The following PNKD variants were observed in gnomAD, a reference collection of about 807,000 sequenced individuals.
PNKD encodes probable thioesterase PNKD.
Under a neutral mutation model 45.3 loss-of-function variants are expected in PNKD, and 36 were observed. The ratio of observed to expected loss-of-function variants is 0.80; its 90% CI spans 0.61 to 1.05. PNKD has a LOEUF of 1.05. Ranked by LOEUF, PNKD falls within the 50% of genes least tolerant of loss-of-function variation. The pLI, the probability that PNKD is intolerant of heterozygous loss-of-function variation, is 0.00. For missense variants in PNKD, 511 were observed against 506.6 expected, an observed-to-expected ratio of 1.01 and a Z score of -0.08; for synonymous variants, 197 against 210.1, an observed-to-expected ratio of 0.94 and a Z score of 0.54.
Position 218,341,541 on chromosome 2 carries a change from A to C in PNKD, c.532A>C (p.Ser178Arg), listed in dbSNP as rs777086893. 28 of 1,598,240 alleles carry C rather than the reference A, an allele frequency of 1.8e-5. No individual in the cohort carries two copies. The highest frequency in any genetic ancestry group is 2.3e-5 in the Non-Finnish European group (27 of 1,172,592). The change falls in exon 6 of 10, where the codon AGT becomes CGT. Residue 178 changes from serine to arginine, a missense_variant. By Grantham distance (110) the Ser-to-Arg change is moderately radical. Transcript: ENST00000273077. The part of the protein sequence containing the change: ...ILCTHKHWDH[S>R]GGNRDLSRRH... ...GTCTCTGCTGTCCTGCAGGGACCACAGTGGAGGGAACCGTGACCTCAGCCG... is the reference window on the plus strand; with the variant it reads ...GTCTCTGCTGTCCTGCAGGGACCACCGTGGAGGGAACCGTGACCTCAGCCG...
At chr2:218,280,885 C>T (rs1327396339) in intron 2 of PNKD, 1 of 144,108 alleles carries the variant, frequency 6.9e-6, no homozygotes, top group African/African-American at 2.6e-5. Flanking sequence ...GATCTCGGCT[C>T]ACCGCAACCT....
intron 2 of PNKD, chr2:218,275,347 AGAAAG>A: frequency 6.1e-6 from 8 of 1,314,486 alleles, no homozygotes; most frequent in Non-Finnish European, 7.2e-6. Flanking sequence ...TCTCCAGGAC[AGAAAG>A]GAAACTGGGC....
chr2:218,318,049 C>G (rs1211595545), intron 2 of PNKD: 3 of 152,470 alleles, frequency 2.0e-5, no homozygotes, highest in South Asian at 2.1e-4. Flanking sequence ...TTCCTGAATG[C>G]CAACCAAGCA....
intron 6 of PNKD, 164 bp downstream of exon 6, chr2:218,341,790 T>C (rs891955201): frequency 1.3e-6 from 1 of 763,618 alleles, no homozygotes; most frequent in African/African-American, 1.7e-5. Context: ...ATCCCCCAAC[T>C]GATCCAGCCA....
chr2:218,277,137 T>G, intron 2 of PNKD: 1 of 1,575,892 alleles, frequency 6.3e-7, no homozygotes, highest in Non-Finnish European at 8.7e-7. Flanking sequence ...GTCAGATGGC[T>G]GTGACAACCA....
chr2:218,277,406 A>G, intron 2 of PNKD: 1 of 1,614,170 alleles, frequency 6.2e-7, no homozygotes, highest in Non-Finnish European at 8.5e-7. Context: ...AATGGATACC[A>G]CCGCAGTGAT....
chr2:218,343,712 T>G (rs1384619672), intron 8 of PNKD, 126 bp downstream of exon 8: 16 of 728,284 alleles, frequency 2.2e-5, no homozygotes, highest in Middle Eastern at 3.4e-4. Context: ...GCGACACAGC[T>G]CCACCTCTAG....
At chr2:218,299,156 G>A (rs928669136) in intron 2 of PNKD, among the ~76,000 whole-genome samples, 3 of 151,874 alleles carry the variant, frequency 2.0e-5, no homozygotes, top group African/African-American at 7.2e-5. Context: ...TTGAGACTGA[G>A]TTTCGCTTTT....
At chr2:218,317,763 G>A (rs1253423875) in intron 2 of PNKD, among the ~76,000 whole-genome samples, 1 of 152,144 alleles carries the variant, frequency 6.6e-6, no homozygotes. Context: ...GGCTCGGACA[G>A]GAGTTCATGA....
In PNKD at chr2:218,340,191, G is replaced by A. The variant is rs1054541564; in HGVS notation, c.465+50G>A. The A allele has an allele frequency of 8.5e-7, 1 of 1,178,524 alleles. No homozygotes were observed. Among genetic ancestry groups the A allele is most frequent in the Non-Finnish European group, 1.3e-6 (1 of 787,894 alleles). The allele number at this position is 1,178,524 out of a possible 1,614,324, so 73.0% of individuals were successfully genotyped here. A position where few individuals can be genotyped will look rare whatever the true frequency, so the allele number is the denominator to read the frequency against. Reference sequence around the variant, plus strand: ...GGTGCCTGGAGTCACCTTGGGGACTGGCAGTTTCGCCTTGCTAGAGAGGGC... The same window carrying A: ...GGTGCCTGGAGTCACCTTGGGGACTAGCAGTTTCGCCTTGCTAGAGAGGGC... On this transcript the variant is annotated intron_variant, in intron 4 of 9. Coordinates refer to ENST00000273077, the MANE Select transcript of PNKD (RefSeq NM_015488.5). This position sits in a 1 kb window ranked among gnomAD's most constrained non-coding sequence, Gnocchi z 4.2.
At chr2:218,344,742 A>T (rs1694781012) in intron 9 of PNKD, 66 bp from the exon 10 acceptor site, 1 of 1,540,562 alleles carries the variant, frequency 6.5e-7, no homozygotes, top group African/African-American at 1.4e-5. Flanking sequence ...GGGTCGGGTC[A>T]GGCTTCTCTG....
intron 2 of PNKD, among the ~76,000 whole-genome samples, chr2:218,337,623 G>T (rs2106290418): frequency 6.6e-6 from 1 of 152,294 alleles, no homozygotes; most frequent in East Asian, 1.9e-4. Context: ...TGAAAGCTTG[G>T]CCTCTTGGGT....
At chr2:218,291,041 G>A (rs1037346873) in intron 2 of PNKD, among the ~76,000 whole-genome samples, 3 of 152,172 alleles carry the variant, frequency 2.0e-5, no homozygotes, top group Admixed American at 6.5e-5. Flanking sequence ...TGAGGCCTGC[G>A]GTTGGAGGTG....
intron 2 of PNKD, among the ~76,000 whole-genome samples, chr2:218,315,010 C>CT (rs55633641): frequency 1.0e-4 from 2 of 19,906 alleles, no homozygotes; most frequent in African/African-American, 3.2e-4. Context: ...TTCTTTCTTT[C>CT]TTTTTCTTTC....
intron 2 of PNKD, among the ~76,000 whole-genome samples, chr2:218,325,061 G>T (rs1694109081): frequency 8.3e-6 from 1 of 120,472 alleles, no homozygotes; most frequent in Admixed American, 1.0e-4. Context: ...AGGCTGGAAT[G>T]CAATGGCATG....
At chr2:218,310,739 G>A (rs995505796) in intron 2 of PNKD, among the ~76,000 whole-genome samples, 3 of 151,252 alleles carry the variant, frequency 2.0e-5, no homozygotes, top group Admixed American at 6.6e-5. Context: ...TTACAGGTGC[G>A]TGCCACCACA....
intron 2 of PNKD, chr2:218,274,112 A>G (rs1287661857): frequency 6.5e-6 from 1 of 154,992 alleles, no homozygotes; most frequent in Non-Finnish European, 1.5e-5. Flanking sequence ...TACCTTGGAA[A>G]AGGTGGGACA....
chr2:218,341,069 T>C (rs145337468), intron 5 of PNKD, among the ~76,000 whole-genome samples: 1 of 152,314 alleles, frequency 6.6e-6, no homozygotes, highest in Non-Finnish European at 1.5e-5. Flanking sequence ...TGGACAAAAG[T>C]TATGACTCTT....
intron 2 of PNKD, chr2:218,281,142 T>TTTTTTTTTGGG (rs1559504868): frequency 6.6e-5 from 7 of 105,624 alleles, no homozygotes; most frequent in African/African-American, 1.9e-4. Flanking sequence ...TTTTTTTTGG[T>TTTTTTTTTGGG]TTTTTTTTTG....
Sources: allele counts gnomAD v4.1 joint callset (sites outside exome capture counted in the v4.1 genomes callset), GRCh38; gene constraint gnomAD v4.1.1; non-coding constraint Gnocchi (gnomAD v3.1); transcripts MANE v1.5; gene names NCBI Gene and HGNC (gene_info 2026-07-23, HGNC 2026-07-21).